CCZ1B: variants seen among roughly 807,000 people sequenced by gnomAD.
The protein encoded by CCZ1B is CCZ1B vacuolar protein trafficking and biogenesis associated, also known as vacuolar fusion protein CCZ1 homolog B.
Under a neutral mutation model 58.8 loss-of-function variants are expected in CCZ1B, and 25 were observed. That is an observed-to-expected ratio of 0.43 (90% CI 0.31 to 0.59). CCZ1B has a LOEUF of 0.59. Among genes scored for constraint, CCZ1B ranks in the 20% least tolerant of loss-of-function variants. The pLI, the probability that CCZ1B is intolerant of heterozygous loss-of-function variation, is 0.12. For missense variants in CCZ1B, 180 were observed against 501.5 expected, an observed-to-expected ratio of 0.36 and a Z score of 6.12; for synonymous variants, 66 against 173.2, an observed-to-expected ratio of 0.38 and a Z score of 4.86.
Position 6,805,034 on chromosome 7 carries a change from T to TC in CCZ1B, c.1009dup (p.Asp337GlyfsTer20), listed in dbSNP as rs1452234152. The TC allele has an allele frequency of 7.4e-7, 1 of 1,350,266 alleles. No individual in the cohort carries two copies. Among genetic ancestry groups the TC allele is most frequent in the Non-Finnish European group, 9.7e-7 (1 of 1,033,866 alleles). The allele number at this position is 1,350,266 out of a possible 1,614,324, so 83.6% of individuals were successfully genotyped here. On this transcript the variant is annotated frameshift_variant, in exon 12 of 15. Coordinates refer to ENST00000316731, the MANE Select transcript of CCZ1B (RefSeq NM_198097.5). LOFTEE classifies it high-confidence loss of function. ...GATGCTGTCCAGTCTTCGGCAAAAA[T>TC]CCAACGTTGGGTGGACAGAGGCTGG...
At chr7:6,818,667 C>A (rs370459061) in intron 7 of CCZ1B, among the ~76,000 whole-genome samples, 6,822 of 71,484 alleles carry the variant, frequency 0.095, 136 homozygotes, top group East Asian at 0.31. Flanking sequence ...GAAAGACAGA[C>A]AGAAAGAAAG....
chr7:6,818,666 ACAGAAAGAAAGAAAGAAAGAAAGAAAGAC>A lies in CCZ1B; in HGVS notation c.698+1071_698+1099del, dbSNP rs1212291371. Among the ~76,000 whole-genome samples, 18 of 91,634 alleles carry A rather than the reference ACAGAAAGAAAGAAAGAAAGAAAGAAAGAC, an allele frequency of 2.0e-4. 2 individuals carry two copies. Among genetic ancestry groups the A allele is most frequent in the East Asian group, 1.3e-3 (4 of 2,990 alleles). The allele number at this position is 91,634 out of a possible 152,430, so 60.1% of individuals were successfully genotyped here. ...GAAAGAAAGACAGAAAGAAAGACAG[ACAGAAAGAAAGAAAGAAAGAAAGAAAGAC>A]AAGAAAGAAAGAAAGACAAGAAAGA... On this transcript the variant is annotated intron_variant, in intron 7 of 14. Transcript: ENST00000316731.
chr7:6,819,755 G>T lies in CCZ1B; in HGVS notation c.698+11C>A. 7.0e-7 allele frequency: 1 copy of T among 1,438,150 alleles called. No homozygotes were observed. Among genetic ancestry groups the T allele is most frequent in the Non-Finnish European group, 9.5e-7 (1 of 1,049,328 alleles). The allele number at this position is 1,438,150 out of a possible 1,614,324, so 89.1% of individuals were successfully genotyped here. The stretch of plus-strand genomic sequence containing the variant: ...TTCTTCTTTTAATACCATGCCTCGG[G>T]GTGTACCTACCAGATGAGCTGATCG... On this transcript the variant is annotated intron_variant, in intron 7 of 14. Coordinates refer to ENST00000316731, the MANE Select transcript of CCZ1B (RefSeq NM_198097.5).
chr7:6,821,030 A>G (rs1320323179), intron 6 of CCZ1B, among the ~76,000 whole-genome samples: 6 of 147,232 alleles, frequency 4.1e-5, no homozygotes, highest in Non-Finnish European at 8.9e-5. Flanking sequence ...CCCCCCCGAG[A>G]TGGAGTCTTG....
chr7:6,809,372 A>G lies in CCZ1B; in HGVS notation c.954+2580T>C, dbSNP rs995939209. Among the ~76,000 whole-genome samples the G allele has an allele frequency of 1.4e-5, 2 of 138,086 alleles. 1 individual carries two copies. Among genetic ancestry groups the G allele is most frequent in the Non-Finnish European group, 3.1e-5 (2 of 65,496 alleles). The allele number at this position is 138,086 out of a possible 152,430, so 90.6% of individuals were successfully genotyped here. ...TGCATTGTATCTCAAAGTCATTAAG[A>G]AAAAGGTAAGGACCCTTTAACATAG... On this transcript the variant is annotated intron_variant, in intron 10 of 14. Coordinates refer to ENST00000316731, the MANE Select transcript of CCZ1B (RefSeq NM_198097.5).
At chr7:6,808,300 A>T in intron 10 of CCZ1B, among the ~76,000 whole-genome samples, 1 of 121,710 alleles carries the variant, frequency 8.2e-6, no homozygotes, top group East Asian at 2.8e-4. Flanking sequence ...GGAAACACTC[A>T]CTGGGCTGTC....
intron 4 of CCZ1B, among the ~76,000 whole-genome samples, chr7:6,823,580 A>C (rs1239185133): frequency 7.8e-6 from 1 of 127,412 alleles, no homozygotes; most frequent in African/African-American, 3.3e-5. Context: ...GCGCAGTGGT[A>C]CAATCCTGGC....
At chr7:6,813,894 C>T (rs1252329379) in intron 8 of CCZ1B, among the ~76,000 whole-genome samples, 1 of 149,284 alleles carries the variant, frequency 6.7e-6, no homozygotes, top group Admixed American at 6.7e-5. Context: ...GCCTGTAATC[C>T]CAGCACTTTG....
chr7:6,824,959 G>C (rs1783171479), intron 1 of CCZ1B, among the ~76,000 whole-genome samples: 2 of 149,030 alleles, frequency 1.3e-5, no homozygotes, highest in African/African-American at 5.1e-5. Flanking sequence ...GGGCAACACA[G>C]TGAGACGTCT....
chr7:6,818,712 C>A lies in CCZ1B; in HGVS notation c.698+1054G>T, dbSNP rs1449926277. On this transcript the variant is annotated intron_variant, in intron 7 of 14. Coordinates refer to ENST00000316731, the MANE Select transcript of CCZ1B (RefSeq NM_198097.5). ...AAGAAAGACAAGAAAGAAAGAAAGA[C>A]AAGAAAGAAAGAAAGAAAGAAAGAA... Among the ~76,000 whole-genome samples, 373 of 80,400 alleles carry A rather than the reference C, an allele frequency of 4.6e-3. 25 individuals carry two copies. The highest frequency in any genetic ancestry group is 0.021 in the African/African-American group (353 of 16,922). 52.7% of individuals were successfully genotyped at this position (80,400 alleles called of 152,430 possible). A position where few individuals can be genotyped will look rare whatever the true frequency, so the allele number is the denominator to read the frequency against.
intron 6 of CCZ1B, among the ~76,000 whole-genome samples, chr7:6,820,678 T>C: frequency 6.7e-6 from 1 of 148,692 alleles, no homozygotes; most frequent in Non-Finnish European, 1.5e-5. Flanking sequence ...TCCCAGCCCT[T>C]TGGGAGGCCA....
intron 6 of CCZ1B, among the ~76,000 whole-genome samples, chr7:6,820,916 A>G (rs996931685): frequency 1.4e-5 from 1 of 71,430 alleles, no homozygotes; most frequent in Non-Finnish European, 2.7e-5. Context: ...ACTCTGTCTC[A>G]AAAAAAAAAA....
chr7:6,819,940 T>C lies in CCZ1B; in HGVS notation c.524A>G (p.Tyr175Cys), dbSNP rs1223587383. 1.9e-6 allele frequency: 3 copies of C among 1,606,258 alleles called. 1 individual carries two copies. Among genetic ancestry groups the C allele is most frequent in the Non-Finnish European group, 2.5e-6 (3 of 1,177,072 alleles). ...TGACTGCAAATGTAGCGTTTGCAAA[T>C]ACTGTGGAAAAAAAATAAGGCATAA... ...KERLEKFFHR[Y>C]LQTLHLQSCD... is the part of the protein sequence containing the mutation. The change falls in exon 7 of 15, where the codon TAT becomes TGT. Residue 175 changes from tyrosine to cysteine, a missense_variant and splice_region_variant. Coordinates refer to ENST00000316731, the MANE Select transcript of CCZ1B (RefSeq NM_198097.5).
chr7:6,818,695 C>CAGA (rs1554259308), intron 7 of CCZ1B, among the ~76,000 whole-genome samples: 3 of 59,484 alleles, frequency 5.0e-5, no homozygotes, highest in South Asian at 8.9e-4. Flanking sequence ...GAAAGAAAGA[C>CAGA]AAGAAAGAAA....
rs1168470497 is a variant in CCZ1B at position 6,820,275 on chromosome 7, T to C, written c.523-334A>G. 8.0e-5 allele frequency among the ~76,000 whole-genome samples: 12 copies of C among 149,536 alleles called. No individual in the cohort carries two copies. The East Asian group carries it at 2.3e-3, about 29-fold the overall frequency. On this transcript the variant is annotated intron_variant, in intron 6 of 14. Coordinates refer to ENST00000316731, the MANE Select transcript of CCZ1B (RefSeq NM_198097.5). ...CTTACTGCAAGCTCCGCCTTCCAGG[T>C]TCACACCATTCTCCTGCCTCAGCCT...
At chr7:6,821,700 C>T (rs1427048608) in intron 6 of CCZ1B, among the ~76,000 whole-genome samples, 1 of 150,976 alleles carries the variant, frequency 6.6e-6, no homozygotes, top group Non-Finnish European at 1.5e-5. Context: ...ACAGCCAAGA[C>T]AAGACCCTGT....
chr7:6,814,409 G>A (rs1224058009), intron 8 of CCZ1B, among the ~76,000 whole-genome samples: 12 of 149,434 alleles, frequency 8.0e-5, no homozygotes, highest in Non-Finnish European at 1.5e-4. Context: ...GGTGGCGGGC[G>A]CCTGTAATCC....
chr7:6,810,647 G>T (rs1763670175), intron 10 of CCZ1B, among the ~76,000 whole-genome samples: 1 of 148,120 alleles, frequency 6.8e-6, no homozygotes, highest in African/African-American at 2.6e-5. Flanking sequence ...GTCGACACAG[G>T]GTCTTACTAT....
chr7:6,817,556 G>C (rs1440244014), intron 7 of CCZ1B, among the ~76,000 whole-genome samples: 2 of 149,784 alleles, frequency 1.3e-5, no homozygotes, highest in African/African-American at 5.0e-5. Flanking sequence ...CTGTGGAGGA[G>C]CCATCCCTCT....
Sources: allele counts gnomAD v4.1 joint callset (sites outside exome capture counted in the v4.1 genomes callset), GRCh38; gene constraint gnomAD v4.1.1; transcripts MANE v1.5; gene names NCBI Gene and HGNC (gene_info 2026-07-23, HGNC 2026-07-21).